Variants in SSBP2 observed in about 807,000 individuals in gnomAD.
SSBP2 encodes single-stranded DNA-binding protein 2.
In SSBP2, 17 loss-of-function variants were observed where a neutral mutation model predicts 61.8. That is an observed-to-expected ratio of 0.28 (90% CI 0.19 to 0.41). The LOEUF is 0.41. SSBP2 is among the 10% of genes least tolerant of loss of function. The pLI, the probability that SSBP2 is intolerant of heterozygous loss-of-function variation, is 1.00. For synonymous variants in SSBP2, 139 were observed against 141.3 expected, an observed-to-expected ratio of 0.98 and a Z score of 0.12; for missense variants, 310 against 458.7, an observed-to-expected ratio of 0.68 and a Z score of 2.96.
intron 1 of SSBP2, among the ~76,000 whole-genome samples, chr5:81,672,863 C>T (rs1411432064): frequency 6.6e-6 from 1 of 151,782 alleles, no homozygotes; most frequent in Admixed American, 6.6e-5. Flanking sequence ...CGTTAGCCAC[C>T]TCACCTGGCC....
chr5:81,726,307 G>T (rs1378046179), intron 1 of SSBP2, among the ~76,000 whole-genome samples: 1 of 152,094 alleles, frequency 6.6e-6, no homozygotes, highest in Non-Finnish European at 1.5e-5. Flanking sequence ...TTGGGAGGAG[G>T]GGGTATTCCT....
chr5:81,499,194 G>A (rs956690124), intron 5 of SSBP2, among the ~76,000 whole-genome samples: 2 of 152,066 alleles, frequency 1.3e-5, no homozygotes. Flanking sequence ...ATACATCTTA[G>A]ATATTCTATC....
At position 81,532,240 on chromosome 5, in the gene SSBP2, T is replaced by C. The variant is rs76696365; in HGVS notation, c.283-18523A>G. ...AAAGGCCAGATGTGAAAATTAATACTTTATATAATACTATTTTATAAAGCA... is the reference window on the plus strand; with the variant it reads ...AAAGGCCAGATGTGAAAATTAATACCTTATATAATACTATTTTATAAAGCA... On this transcript the variant is annotated intron_variant, in intron 4 of 16. Transcript: ENST00000320672. 1.9e-4 allele frequency among the ~76,000 whole-genome samples: 29 copies of C among 152,206 alleles called. No individual in the cohort carries two copies. In the East Asian group the frequency reaches 5.4e-3, roughly 28 times the overall value.
chr5:81,604,159 G>A (rs1229889906), intron 4 of SSBP2, among the ~76,000 whole-genome samples: 1 of 151,842 alleles, frequency 6.6e-6, no homozygotes, highest in African/African-American at 2.4e-5. Flanking sequence ...GTGGATCATT[G>A]TAAAGTTCTT....
intron 1 of SSBP2, among the ~76,000 whole-genome samples, chr5:81,653,055 C>G (rs541893310): frequency 2.2e-4 from 33 of 152,002 alleles, no homozygotes; most frequent in African/African-American, 7.5e-4. Context: ...TCATCAACCC[C>G]TCATCTACAT....
chr5:81,456,474 T>C (rs1270237217), intron 10 of SSBP2, among the ~76,000 whole-genome samples: 2 of 151,990 alleles, frequency 1.3e-5, no homozygotes, highest in Non-Finnish European at 2.9e-5. Flanking sequence ...CCAGTAATAC[T>C]CTTTTTCAGT....
At chr5:81,544,018 A>C (rs905483876) in intron 4 of SSBP2, among the ~76,000 whole-genome samples, 1 of 152,158 alleles carries the variant, frequency 6.6e-6, no homozygotes, top group East Asian at 1.9e-4. Flanking sequence ...CTTTCTCTTC[A>C]CAAAAACACC....
intron 4 of SSBP2, among the ~76,000 whole-genome samples, chr5:81,524,062 T>TCTTA (rs746711562): frequency 5.9e-5 from 9 of 152,052 alleles, no homozygotes; most frequent in Admixed American, 1.3e-4. Flanking sequence ...TAGGTACAGT[T>TCTTA]CTTACTATTC....
chr5:81,568,051 T>G (rs1036816020), intron 4 of SSBP2, among the ~76,000 whole-genome samples: 1 of 152,076 alleles, frequency 6.6e-6, no homozygotes. Context: ...GACTTTTGAG[T>G]TAATGTTGAA....
chr5:81,734,087 A>G (rs1239687055), intron 1 of SSBP2, among the ~76,000 whole-genome samples: 1 of 152,212 alleles, frequency 6.6e-6, no homozygotes, highest in African/African-American at 2.4e-5. Context: ...ATCAAGAGTC[A>G]AGACCCTTTG....
intron 4 of SSBP2, among the ~76,000 whole-genome samples, chr5:81,528,359 G>C (rs899195360): frequency 1.3e-5 from 2 of 152,032 alleles, no homozygotes; most frequent in Non-Finnish European, 2.9e-5. Flanking sequence ...AGTCAATGTA[G>C]TTGATACTTG....
intron 1 of SSBP2, among the ~76,000 whole-genome samples, chr5:81,659,822 G>A (rs1272701932): frequency 6.6e-6 from 1 of 152,052 alleles, no homozygotes; most frequent in Non-Finnish European, 1.5e-5. Flanking sequence ...GCATGGTACT[G>A]GTACCAAAAC....
At chr5:81,540,393 C>T (rs1771168732) in intron 4 of SSBP2, among the ~76,000 whole-genome samples, 1 of 152,206 alleles carries the variant, frequency 6.6e-6, no homozygotes, top group South Asian at 2.1e-4. Context: ...TCCACATCCT[C>T]TCCAGCATCT....
At chr5:81,732,638 A>G (rs910510266) in intron 1 of SSBP2, among the ~76,000 whole-genome samples, 19 of 152,246 alleles carry the variant, frequency 1.2e-4, no homozygotes, top group Non-Finnish European at 2.5e-4. Context: ...AATAAATAAA[A>G]GCAAAACAAG....
At chr5:81,649,556 G>C (rs1040075870) in intron 2 of SSBP2, among the ~76,000 whole-genome samples, 1 of 152,072 alleles carries the variant, frequency 6.6e-6, no homozygotes, top group East Asian at 1.9e-4. Flanking sequence ...TCACTTAGAA[G>C]TGGGAGCTAC....
chr5:81,636,919 T>G (rs905633754), intron 2 of SSBP2, among the ~76,000 whole-genome samples: 1 of 152,208 alleles, frequency 6.6e-6, no homozygotes, highest in South Asian at 2.1e-4. Flanking sequence ...AGACTGGAGA[T>G]CCATACACTA....
At chr5:81,609,753 AT>A (rs1041998264) in intron 4 of SSBP2, among the ~76,000 whole-genome samples, 6 of 152,114 alleles carry the variant, frequency 3.9e-5, no homozygotes, top group Non-Finnish European at 5.9e-5. Context: ...GCATTCAACT[AT>A]TTTACATACA....
chr5:81,700,440 A>C (rs1278078392), intron 1 of SSBP2, among the ~76,000 whole-genome samples: 1 of 152,228 alleles, frequency 6.6e-6, no homozygotes, highest in Non-Finnish European at 1.5e-5. Context: ...CAGGCAGAGT[A>C]GATTTAGCAT....
chr5:81,559,797 C>CA (rs1348971776), intron 4 of SSBP2, among the ~76,000 whole-genome samples: 1 of 151,748 alleles, frequency 6.6e-6, no homozygotes, highest in African/African-American at 2.4e-5. Flanking sequence ...AAGCAACTGT[C>CA]AAAATCTTAA....
Sources: gnomAD v4.1 joint callset for allele counts (sites outside exome capture counted in the v4.1 genomes callset) on GRCh38, gnomAD v4.1.1 for gene constraint, MANE v1.5 for transcripts, NCBI Gene and HGNC (gene_info 2026-07-23, HGNC 2026-07-21) for gene names.